The following PCDHGA4 variants were observed in gnomAD, a reference collection of about 807,000 sequenced individuals.
PCDHGA4 encodes protocadherin gamma-A4.
PCDHGA4 carries 38 observed loss-of-function variants against 54.6 expected under a neutral mutation model. That is an observed-to-expected ratio of 0.70 (90% CI 0.54 to 0.91). The LOEUF (loss-of-function observed/expected upper bound fraction) is 0.91. Ranked by LOEUF, PCDHGA4 falls within the 40% of genes least tolerant of loss-of-function variation. The pLI is 0.00. For missense variants in PCDHGA4, 1,298 were observed against 1,220.9 expected, an observed-to-expected ratio of 1.06 and a Z score of -0.94; for synonymous variants, 511 against 512.9, an observed-to-expected ratio of 1.00 and a Z score of 0.05.
chr5:141,385,101 C>A (rs1373310406), intron 1 of PCDHGA4: 2 of 1,614,194 alleles, frequency 1.2e-6, no homozygotes, highest in East Asian at 2.2e-5. Flanking sequence ...GCTTGGCGAA[C>A]GTGCCCACCT....
At chr5:141,484,889 TC>T (rs1312115219) in intron 1 of PCDHGA4, 2 of 362,958 alleles carry the variant, frequency 5.5e-6, no homozygotes, top group Admixed American at 8.9e-5. Flanking sequence ...GTGGGCTTTT[TC>T]CCCTCCAATG....
At chr5:141,479,953 CAGTT>C (rs1198160373) in intron 1 of PCDHGA4, among the ~76,000 whole-genome samples, 1 of 152,182 alleles carries the variant, frequency 6.6e-6, no homozygotes, top group African/African-American at 2.4e-5. Flanking sequence ...TTGGATTTGG[CAGTT>C]AGTCAAATGA....
At chr5:141,408,956 A>G in intron 1 of PCDHGA4, 1 of 1,613,714 alleles carries the variant, frequency 6.2e-7, no homozygotes, top group Non-Finnish European at 8.5e-7. Flanking sequence ...AATTAGTCTT[A>G]GTGAAAATCT....
intron 1 of PCDHGA4, among the ~76,000 whole-genome samples, chr5:141,460,959 A>ATG (rs1248175237): frequency 7.9e-6 from 1 of 126,082 alleles, no homozygotes; most frequent in Non-Finnish European, 1.6e-5. Flanking sequence ...ATGTATATAT[A>ATG]TATGTGTGTG....
intron 1 of PCDHGA4, chr5:141,417,768 C>T: frequency 6.9e-7 from 1 of 1,451,358 alleles, no homozygotes; most frequent in Non-Finnish European, 9.1e-7. Context: ...ACCCGGGACT[C>T]CTCCTGTCCT....
intron 1 of PCDHGA4, chr5:141,362,249 T>A (rs1275406008): frequency 3.1e-6 from 5 of 1,614,024 alleles, no homozygotes; most frequent in Non-Finnish European, 4.2e-6. Flanking sequence ...CTCTTCTTCC[T>A]CGCGGTGATT....
intron 1 of PCDHGA4, among the ~76,000 whole-genome samples, chr5:141,435,833 A>G (rs1354866725): frequency 6.6e-6 from 1 of 152,112 alleles, no homozygotes; most frequent in Non-Finnish European, 1.5e-5. Flanking sequence ...TTTGCTGCCT[A>G]TCTACTTTGA....
chr5:141,508,928 G>A (rs1475005703), intron 3 of PCDHGA4, among the ~76,000 whole-genome samples: 1 of 152,076 alleles, frequency 6.6e-6, no homozygotes, highest in East Asian at 1.9e-4. Flanking sequence ...TCCTTTTGGA[G>A]TTAATTAGGG....
chr5:141,492,911 G>A (rs1008138353), intron 1 of PCDHGA4, among the ~76,000 whole-genome samples: 1 of 152,216 alleles, frequency 6.6e-6, no homozygotes, highest in Admixed American at 6.5e-5. Context: ...TGATCACAAT[G>A]TGCCCAGCGA....
Position 141,434,451 on chromosome 5 carries a change from A to T in PCDHGA4, c.2515-60356A>T, listed in dbSNP as rs145324240. 3.9e-3 allele frequency among the ~76,000 whole-genome samples: 589 copies of T among 152,326 alleles called. 6 individuals carry two copies. The highest frequency in any genetic ancestry group is 0.011 in the Admixed American group (170 of 15,298). ...GGCCGTAATGCCCATGCTGGAAGGTAGTGGGTTTACCGGAATGAGGGCAAG... is the reference window on the plus strand; with the variant it reads ...GGCCGTAATGCCCATGCTGGAAGGTTGTGGGTTTACCGGAATGAGGGCAAG... On this transcript the variant is annotated intron_variant, in intron 1 of 3. Transcript: ENST00000571252.
intron 3 of PCDHGA4, among the ~76,000 whole-genome samples, chr5:141,506,138 G>T (rs983643755): frequency 6.6e-6 from 1 of 152,134 alleles, no homozygotes; most frequent in African/African-American, 2.4e-5. Flanking sequence ...AGGAGAAGAA[G>T]AATATCATTT....
intron 1 of PCDHGA4, among the ~76,000 whole-genome samples, chr5:141,469,716 A>G (rs1189597018): frequency 3.9e-5 from 6 of 152,260 alleles, no homozygotes; most frequent in African/African-American, 1.4e-4. Context: ...CACTATTAGG[A>G]ATTTATCATA....
Position 141,432,667 on chromosome 5 carries a change from C to T in PCDHGA4, c.2515-62140C>T, listed in dbSNP as rs1312138743. ...CGGCGCGAGCCCTGCTGGACAGAGACGCGCTCAAGCAGAGCCTCGTAGTGG... is the reference window on the plus strand; with the variant it reads ...CGGCGCGAGCCCTGCTGGACAGAGATGCGCTCAAGCAGAGCCTCGTAGTGG... On this transcript the variant is annotated intron_variant, in intron 1 of 3. Transcript: ENST00000571252. This position sits in a 1 kb window ranked among gnomAD's most constrained non-coding sequence, Gnocchi z 6.0. The T allele has an allele frequency of 1.2e-6, 2 of 1,613,876 alleles. No individual in the cohort carries two copies. The highest frequency in any genetic ancestry group is 1.1e-5 in the South Asian group (1 of 91,066).
chr5:141,464,676 T>C (rs1337677151), intron 1 of PCDHGA4, among the ~76,000 whole-genome samples: 3 of 152,176 alleles, frequency 2.0e-5, no homozygotes, highest in Non-Finnish European at 2.9e-5. Context: ...ATAATTTTAA[T>C]TAAAATTTCT....
At position 141,355,679 on chromosome 5, in the gene PCDHGA4, C is replaced by G. The variant is rs1759933363; in HGVS notation, c.572C>G (p.Pro191Arg). ...ARFPLPEAFD[P>R]DVGVNSLQGY... ...TTTCCTCTTCCTGAAGCTTTTGATC[C>G]GGATGTAGGTGTAAACTCCCTGCAG... is the stretch of plus-strand genomic sequence containing the variant. Residue 191 changes from proline to arginine, a missense_variant, in exon 1 of 4, where the codon CCG becomes CGG. Coordinates refer to ENST00000571252, the MANE Select transcript of PCDHGA4 (RefSeq NM_018917.4). The G allele has an allele frequency of 6.2e-7, 1 of 1,613,812 alleles. No individual in the cohort carries two copies.
intron 1 of PCDHGA4, among the ~76,000 whole-genome samples, chr5:141,481,039 C>T (rs748434260): frequency 4.6e-5 from 7 of 152,048 alleles, no homozygotes; most frequent in Non-Finnish European, 8.8e-5. Flanking sequence ...GCCTGGGCGA[C>T]AGAGCGAGAC....
rs780083329 is a variant in PCDHGA4 at position 141,356,725 on chromosome 5, T to C, written c.1618T>C (p.Ser540Pro). 3.1e-6 allele frequency: 5 copies of C among 1,613,818 alleles called. No homozygotes were observed. Among genetic ancestry groups the C allele is most frequent in the Non-Finnish European group, 4.2e-6 (5 of 1,179,888 alleles). ...APLSSYVSIN[S>P]NTGILYALCS... ...TCTGTCCTCCTATGTCTCCATCAAC[T>C]CCAATACAGGGATCCTATATGCTCT... Residue 540 changes from serine (S) to proline (P), a missense_variant, in exon 1 of 4, where the codon TCC becomes CCC. Physicochemically the swap from Ser to Pro is moderately conservative, Grantham distance 74. Coordinates refer to ENST00000571252, the MANE Select transcript of PCDHGA4 (RefSeq NM_018917.4).
intron 1 of PCDHGA4, chr5:141,433,284 C>T: frequency 8.5e-7 from 1 of 1,176,236 alleles, no homozygotes; most frequent in Non-Finnish European, 1.2e-6. Flanking sequence ...GCCTCAAACT[C>T]CTAGGCTCAA....
chr5:141,427,654 T>C (rs2097054872), intron 1 of PCDHGA4: 3 of 727,622 alleles, frequency 4.1e-6, no homozygotes, highest in Non-Finnish European at 7.4e-6. Context: ...TCCTACGTGG[T>C]CCACGTGGCC....
Sources: allele counts gnomAD v4.1 joint callset (sites outside exome capture counted in the v4.1 genomes callset), GRCh38; gene constraint gnomAD v4.1.1; non-coding constraint Gnocchi (gnomAD v3.1); transcripts MANE v1.5; gene names NCBI Gene and HGNC (gene_info 2026-07-23, HGNC 2026-07-21).